The following ADAMTS12 variants were observed in gnomAD, a reference collection of about 807,000 sequenced individuals.
ADAMTS12 encodes ADAM metallopeptidase with thrombospondin type 1 motif 12, also known as A disintegrin and metalloproteinase with thrombospondin motifs 12.
Under a neutral mutation model 167.8 loss-of-function variants are expected in ADAMTS12, and 118 were observed. The ratio of observed to expected loss-of-function variants is 0.70; its 90% CI spans 0.61 to 0.82. The LOEUF (loss-of-function observed/expected upper bound fraction) is 0.82, where lower values mean the gene tolerates loss of function less well. Among genes scored for constraint, ADAMTS12 ranks in the 40% least tolerant of loss-of-function variants. The pLI is 0.00. For synonymous variants in ADAMTS12, 704 were observed against 716.9 expected (o/e 0.98, Z 0.29); for missense variants, 1,916 against 1,998.8 (o/e 0.96, Z 0.79).
intron 16 of ADAMTS12, among the ~76,000 whole-genome samples, chr5:33,596,586 G>A (rs544884330): frequency 3.3e-4 from 51 of 152,318 alleles, no homozygotes; most frequent in Non-Finnish European, 5.9e-4. Flanking sequence ...GGAGGCTGAG[G>A]CAGGAGAATC....
intron 2 of ADAMTS12, among the ~76,000 whole-genome samples, chr5:33,754,796 C>T (rs1264387564): frequency 6.6e-6 from 1 of 152,102 alleles, no homozygotes; most frequent in Non-Finnish European, 1.5e-5. Context: ...GCGGAGGTTG[C>T]AGTGAGCCGA....
chr5:33,761,995 C>T (rs1273942711), intron 2 of ADAMTS12, among the ~76,000 whole-genome samples: 1 of 150,880 alleles, frequency 6.6e-6, no homozygotes, highest in South Asian at 2.1e-4. Context: ...GAGTTTGAGA[C>T]CAGCCTGGCC....
intron 5 of ADAMTS12, among the ~76,000 whole-genome samples, chr5:33,673,459 A>C (rs1241231143): frequency 3.3e-5 from 5 of 152,040 alleles, no homozygotes; most frequent in Non-Finnish European, 7.4e-5. Flanking sequence ...TCAGTTGCCC[A>C]ATCTAGAAAT....
chr5:33,805,906 A>G (rs1267118677), intron 2 of ADAMTS12, among the ~76,000 whole-genome samples: 1 of 143,216 alleles, frequency 7.0e-6, no homozygotes, highest in Non-Finnish European at 1.5e-5. Context: ...AAAGGGGGAA[A>G]AAAAAGCCAC....
rs140633191 is a variant in ADAMTS12 at position 33,601,797 on chromosome 5, C to T, written c.2528-5737G>A. ...CACTACTTTTTCTCTCCCTGAAATGCCAATGAACTGTTACATAAGTTCATA... is the reference window on the plus strand; with the variant it reads ...CACTACTTTTTCTCTCCCTGAAATGTCAATGAACTGTTACATAAGTTCATA... On this transcript the variant is annotated intron_variant, in intron 16 of 23. Transcript: ENST00000504830. 2.5e-3 allele frequency among the ~76,000 whole-genome samples: 380 copies of T among 152,236 alleles called. 2 individuals carry two copies. Among genetic ancestry groups the T allele is most frequent in the Middle Eastern group, 0.014 (4 of 294 alleles).
At chr5:33,568,463 A>C (rs751021022) in intron 19 of ADAMTS12, among the ~76,000 whole-genome samples, 1 of 152,336 alleles carries the variant, frequency 6.6e-6, no homozygotes, top group Middle Eastern at 3.4e-3. Flanking sequence ...TAAATTGTCA[A>C]TTGGTGCTAA....
chr5:33,689,931 G>T (rs1403469754), intron 3 of ADAMTS12, among the ~76,000 whole-genome samples: 2 of 152,258 alleles, frequency 1.3e-5, no homozygotes, highest in Non-Finnish European at 2.9e-5. Context: ...TGGCCCCAAA[G>T]GGGATTCCAC....
chr5:33,803,216 T>G (rs1747076357), intron 2 of ADAMTS12, among the ~76,000 whole-genome samples: 1 of 151,926 alleles, frequency 6.6e-6, no homozygotes. Context: ...CTAAGATAAC[T>G]AAACAAAAAA....
chr5:33,844,815 C>T lies in ADAMTS12; in HGVS notation c.489+36304G>A, dbSNP rs542338376. ...TGCGGCTTGTGGGGCATCACGGAAC[C>T]TACCGAAATGTGATGCCTCCCCCGG... On this transcript the variant is annotated intron_variant, in intron 2 of 23. Transcript: ENST00000504830. Among the ~76,000 whole-genome samples the T allele has an allele frequency of 7.9e-5, 12 of 152,242 alleles. No individual in the cohort carries two copies. The South Asian group carries it at 2.5e-3, about 32-fold the overall frequency.
chr5:33,798,796 T>G (rs1435084285), intron 2 of ADAMTS12, among the ~76,000 whole-genome samples: 1 of 152,132 alleles, frequency 6.6e-6, no homozygotes, highest in Non-Finnish European at 1.5e-5. Flanking sequence ...ATGATCTCTT[T>G]AATCTTAATT....
rs372723884 is a variant in ADAMTS12 at position 33,704,007 on chromosome 5, C to T, written c.635-19952G>A. Among the ~76,000 whole-genome samples the T allele has an allele frequency of 7.9e-5, 12 of 152,270 alleles. No homozygotes were observed. The East Asian group carries it at 1.2e-3, about 15-fold the overall frequency. ...TACAAGGAAATTAACTTTCTAATGACGAATAAGCTTTTTGTTCCTTGTTTT... is the reference window on the plus strand; with the variant it reads ...TACAAGGAAATTAACTTTCTAATGATGAATAAGCTTTTTGTTCCTTGTTTT... On this transcript the variant is annotated intron_variant, in intron 3 of 23. Coordinates refer to ENST00000504830, the MANE Select transcript of ADAMTS12 (RefSeq NM_030955.4).
chr5:33,767,375 C>T (rs923609743), intron 2 of ADAMTS12, among the ~76,000 whole-genome samples: 6 of 152,072 alleles, frequency 3.9e-5, no homozygotes, highest in Non-Finnish European at 8.8e-5. Flanking sequence ...ATTTTCAAAG[C>T]ATTTGCTACT....
chr5:33,779,394 C>G lies in ADAMTS12; in HGVS notation c.490-27846G>C, dbSNP rs968542463. Among the ~76,000 whole-genome samples the G allele has an allele frequency of 3.3e-5, 5 of 152,202 alleles. No individual in the cohort carries two copies. The East Asian group carries it at 9.7e-4, about 29-fold the overall frequency. On this transcript the variant is annotated intron_variant, in intron 2 of 23. Transcript: ENST00000504830. ...AGAGACAGAGTTTCACCATGTTGGT[C>G]AGGCTGGTCTTGAACTCCTGACCTC...
intron 3 of ADAMTS12, among the ~76,000 whole-genome samples, chr5:33,745,126 G>A (rs1041462193): frequency 2.0e-5 from 3 of 152,176 alleles, no homozygotes; most frequent in African/African-American, 7.2e-5. Context: ...ATCTTTGGGG[G>A]TTTTCTTTAG....
Position 33,613,282 on chromosome 5 carries a change from C to G in ADAMTS12, c.2527+956G>C, listed in dbSNP as rs374507580. ...GAGGCTTTTGCATATGGCAATATTACTAAAGCCCCCTAAATGAGTGATATA... is the reference window on the plus strand; with the variant it reads ...GAGGCTTTTGCATATGGCAATATTAGTAAAGCCCCCTAAATGAGTGATATA... On this transcript the variant is annotated intron_variant, in intron 16 of 23. Coordinates refer to ENST00000504830, the MANE Select transcript of ADAMTS12 (RefSeq NM_030955.4). Among the ~76,000 whole-genome samples, 117 of 152,354 alleles carry G rather than the reference C, an allele frequency of 7.7e-4. 1 individual carries two copies. The South Asian group carries it at 0.013, about 17-fold the overall frequency.
intron 12 of ADAMTS12, among the ~76,000 whole-genome samples, chr5:33,632,858 C>G (rs1302097939): frequency 1.3e-5 from 2 of 152,196 alleles, no homozygotes; most frequent in African/African-American, 4.8e-5. Flanking sequence ...TCATCTGTTT[C>G]AAGGCTGCTG....
Position 33,561,181 on chromosome 5 carries a change from T to G in ADAMTS12, c.3973-2A>C, listed in dbSNP as rs1230692975. 6.2e-7 allele frequency: 1 copy of G among 1,613,484 alleles called. No homozygotes were observed. The highest frequency in any genetic ancestry group is 1.7e-5 in the Admixed American group (1 of 60,018). On this transcript the variant is annotated splice_acceptor_variant, in intron 19 of 23. Coordinates refer to ENST00000504830, the MANE Select transcript of ADAMTS12 (RefSeq NM_030955.4). LOFTEE classifies it high-confidence loss of function. ...CCCCAGGCCACATGTGGTGGAGCAC[T>G]GTAGCAGGGAAGGAGAGAGATGACA...
intron 22 of ADAMTS12, among the ~76,000 whole-genome samples, chr5:33,540,347 A>T (rs256647): frequency 6.6e-6 from 1 of 151,806 alleles, no homozygotes; most frequent in African/African-American, 2.4e-5. Context: ...AGCACGGCCT[A>T]CTGCCTCTGT....
intron 2 of ADAMTS12, among the ~76,000 whole-genome samples, chr5:33,850,173 G>A (rs539820709): frequency 2.0e-5 from 3 of 152,176 alleles, no homozygotes; most frequent in South Asian, 2.1e-4. Context: ...CCCTTACCAC[G>A]AGCGTCTAAT....
Sources: allele counts gnomAD v4.1 joint callset (sites outside exome capture counted in the v4.1 genomes callset), GRCh38; gene constraint gnomAD v4.1.1; transcripts MANE v1.5; gene names NCBI Gene and HGNC (gene_info 2026-07-23, HGNC 2026-07-21).